The following GPRC5A variants were observed in gnomAD, a reference collection of about 807,000 sequenced individuals.
The protein encoded by GPRC5A is retinoic acid-induced protein 3.
GPRC5A carries 19 observed loss-of-function variants against 22.5 expected under a neutral mutation model. The ratio of observed to expected loss-of-function variants is 0.85; its 90% CI spans 0.59 to 1.24. The LOEUF is 1.24. Ranked by LOEUF, GPRC5A falls within the 50% of genes most tolerant of loss-of-function variation. The probability of loss-of-function intolerance (pLI) is 0.00; values close to 1 mark genes in which losing one functional copy is unlikely to be tolerated. For synonymous variants in GPRC5A, 192 were observed against 184.5 expected (o/e 1.04, Z -0.33); for missense variants, 471 against 451.1 (o/e 1.04, Z -0.40).
At chr12:12,904,623 C>T (rs1375386719) in intron 1 of GPRC5A, among the ~76,000 whole-genome samples, 1 of 152,078 alleles carries the variant, frequency 6.6e-6, no homozygotes, top group African/African-American at 2.4e-5. Context: ...TGAATGACTA[C>T]ATAAAATAAA....
intron 1 of GPRC5A, among the ~76,000 whole-genome samples, chr12:12,897,408 TGAG>T (rs1369751039): frequency 2.5e-5 from 3 of 120,266 alleles, no homozygotes; most frequent in African/African-American, 7.9e-5. Context: ...GCAAAGAGCA[TGAG>T]AAGACCTTAA....
At position 12,909,076 on chromosome 12, in the gene GPRC5A, A is replaced by T; in HGVS notation, c.827A>T (p.Asp276Val). 1 of 1,606,820 alleles carries T rather than the reference A, an allele frequency of 6.2e-7. No homozygotes were observed. The highest frequency in any genetic ancestry group is 8.5e-7 in the Non-Finnish European group (1 of 1,179,890). Residue 276 changes from aspartate (D) to valine (V), a missense_variant, in exon 2 of 4, where the codon GAT becomes GTT. Physicochemically the swap from Asp to Val is radical, Grantham distance 152. Transcript: ENST00000014914. ...WLLTKQRNPM[D>V]YPVEDAFCKP... ...CTCACAAAGCAACGAAACCCCATGG[A>T]TTATCCTGTTGAGGATGCTTTCTGT...
intron 2 of GPRC5A, among the ~76,000 whole-genome samples, chr12:12,910,095 G>A (rs962274786): frequency 4.6e-5 from 7 of 152,176 alleles, no homozygotes; most frequent in African/African-American, 1.7e-4. Context: ...TTGGTCTCCA[G>A]GGTTTACACT....
intron 1 of GPRC5A, among the ~76,000 whole-genome samples, chr12:12,898,975 G>A (rs926518159): frequency 2.6e-5 from 4 of 152,260 alleles, no homozygotes; most frequent in Non-Finnish European, 2.9e-5. Context: ...TTAGTTGTAT[G>A]TCAGTGTGAT....
chr12:12,911,498 T>G (rs1272762315), intron 2 of GPRC5A, among the ~76,000 whole-genome samples: 1 of 151,786 alleles, frequency 6.6e-6, no homozygotes, highest in Non-Finnish European at 1.5e-5. Flanking sequence ...CTTTTTTTTT[T>G]TTTTGTTTGA....
At position 12,912,660 on chromosome 12, in the gene GPRC5A, G is replaced by T. The variant is rs1864017337; in HGVS notation, c.*121G>T. ...GTACAAGACACTACGGGAACAGTTTGCCTCCCTCCCAGCCTCAACCACAAT... is the reference window on the plus strand; with the variant it reads ...GTACAAGACACTACGGGAACAGTTTTCCTCCCTCCCAGCCTCAACCACAAT... On this transcript the variant is annotated 3_prime_UTR_variant, in exon 4 of 4. Coordinates refer to ENST00000014914, the MANE Select transcript of GPRC5A (RefSeq NM_003979.4). 2 of 667,316 alleles carry T rather than the reference G, an allele frequency of 3.0e-6. No homozygotes were observed. Among genetic ancestry groups the T allele is most frequent in the East Asian group, 2.6e-5 (1 of 38,284 alleles). The allele number at this position is 667,316 out of a possible 1,614,324, so 41.3% of individuals were successfully genotyped here.
At chr12:12,893,828 A>C (rs1288504646) in intron 1 of GPRC5A, among the ~76,000 whole-genome samples, 2 of 152,082 alleles carry the variant, frequency 1.3e-5, no homozygotes, top group African/African-American at 4.8e-5. Flanking sequence ...ATCTCGGCTC[A>C]CTGAAACCTC....
At chr12:12,900,524 C>T (rs1863870543) in intron 1 of GPRC5A, among the ~76,000 whole-genome samples, 1 of 152,144 alleles carries the variant, frequency 6.6e-6, no homozygotes, top group African/African-American at 2.4e-5. Flanking sequence ...AATGACTTCG[C>T]CCTCCTCTTC....
chr12:12,898,600 G>A (rs987855358), intron 1 of GPRC5A, among the ~76,000 whole-genome samples: 1 of 152,084 alleles, frequency 6.6e-6, no homozygotes, highest in Non-Finnish European at 1.5e-5. Context: ...AAGAGGACTT[G>A]GGTCTTTTGA....
intron 1 of GPRC5A, among the ~76,000 whole-genome samples, chr12:12,902,603 A>C (rs961708582): frequency 2.6e-5 from 4 of 151,930 alleles, no homozygotes; most frequent in Admixed American, 1.3e-4. Flanking sequence ...ATCTCTAAAA[A>C]AATAAAGATT....
intron 2 of GPRC5A, among the ~76,000 whole-genome samples, chr12:12,911,480 G>T (rs952854206): frequency 2.6e-5 from 4 of 151,390 alleles, no homozygotes; most frequent in African/African-American, 9.7e-5. Flanking sequence ...TGGTTTTTAT[G>T]ACTTTTTCTT....
intron 3 of GPRC5A, 21 bp from the exon 4 acceptor site, chr12:12,912,426 A>T: frequency 6.6e-7 from 1 of 1,511,890 alleles, no homozygotes; most frequent in African/African-American, 1.4e-5. Context: ...GGGTTTCACG[A>T]TATGACTGTT....
At chr12:12,905,932 G>A (rs1863937418) in intron 1 of GPRC5A, among the ~76,000 whole-genome samples, 1 of 152,126 alleles carries the variant, frequency 6.6e-6, no homozygotes, top group South Asian at 2.1e-4. Flanking sequence ...TCCTCCTGGG[G>A]CTGAACTAGG....
chr12:12,902,730 C>T (rs1052411562), intron 1 of GPRC5A, among the ~76,000 whole-genome samples: 1 of 151,818 alleles, frequency 6.6e-6, no homozygotes, highest in Non-Finnish European at 1.5e-5. Flanking sequence ...ACAGTCACAC[C>T]ACTGCACTCC....
chr12:12,911,700 G>A (rs903757236), intron 2 of GPRC5A, among the ~76,000 whole-genome samples: 1 of 152,062 alleles, frequency 6.6e-6, no homozygotes, highest in Non-Finnish European at 1.5e-5. Flanking sequence ...TTGTTAGCCA[G>A]GATGGTCTCG....
At position 12,894,772 on chromosome 12, in the gene GPRC5A, G is replaced by GTTTTTTTT. The variant is rs56794431; in HGVS notation, c.-8+3125_-8+3132dup. ...AGTTGGTGCATAAAAGTCTAGGATG[G>GTTTTTTTT]TTTTTTTTTTTTTTTTTTTTTTTTG... On this transcript the variant is annotated intron_variant, in intron 1 of 3. Transcript: ENST00000014914. Among the ~76,000 whole-genome samples the GTTTTTTTT allele has an allele frequency of 1.5e-3, 100 of 67,462 alleles. 12 individuals are homozygous for GTTTTTTTT. The highest frequency in any genetic ancestry group is 2.1e-3 in the Non-Finnish European group (80 of 38,856). The allele number at this position is 67,462 out of a possible 152,430, so 44.3% of individuals were successfully genotyped here.
At chr12:12,892,636 G>A (rs1209254327) in intron 1 of GPRC5A, among the ~76,000 whole-genome samples, 1 of 152,026 alleles carries the variant, frequency 6.6e-6, no homozygotes, top group African/African-American at 2.4e-5. Flanking sequence ...CAAAGTGCTG[G>A]GATTACAGGT....
At chr12:12,912,345 C>A in intron 3 of GPRC5A, 102 bp from the exon 4 acceptor site, 1 of 898,656 alleles carries the variant, frequency 1.1e-6, no homozygotes, top group Non-Finnish European at 1.9e-6. Context: ...GGGTGGGAGG[C>A]CTGGGAGAAA....
intron 2 of GPRC5A, 120 bp downstream of exon 2, chr12:12,909,291 T>C: frequency 2.8e-6 from 2 of 719,892 alleles, no homozygotes; most frequent in Non-Finnish European, 2.2e-6. Context: ...ATAGAATAGA[T>C]AAGTTCCTTA....
Sources: allele counts gnomAD v4.1 joint callset (sites outside exome capture counted in the v4.1 genomes callset), GRCh38; gene constraint gnomAD v4.1.1; transcripts MANE v1.5; gene names NCBI Gene and HGNC (gene_info 2026-07-23, HGNC 2026-07-21).